The following TMEM62 variants were observed in gnomAD, a reference collection of about 807,000 sequenced individuals.
TMEM62 encodes the protein transmembrane protein 62.
A neutral mutation model predicts 70.4 loss-of-function variants in TMEM62; 41 were observed. The observed-to-expected ratio is 0.58, with a 90% CI of 0.45 to 0.76. The LOEUF (loss-of-function observed/expected upper bound fraction) is 0.76. TMEM62 is among the 30% of genes least tolerant of loss of function. The pLI is 0.00. For synonymous variants in TMEM62, 268 were observed against 291.0 expected (o/e 0.92, Z 0.80); for missense variants, 688 against 788.5 (o/e 0.87, Z 1.53).
chr15:43,184,324 G>A lies in TMEM62; in HGVS notation c.1670G>A (p.Gly557Asp). Residue 557 changes from glycine (G) to aspartate (D), a missense_variant, in exon 14 of 14, where the codon GGT (glycine) becomes GAT (aspartate). Gly to Asp is a moderately conservative substitution (Grantham distance 94). Transcript: ENST00000260403. ...MCWSLLQRCF[G>D]HNFRSHLHQR... ...TGGAGCTTGCTGCAGCGGTGCTTTG[G>A]TCACAACTTCAGGTCTCATCTCCAT... The A allele has an allele frequency of 6.2e-7, 1 of 1,614,144 alleles. No homozygotes were observed. Among genetic ancestry groups the A allele is most frequent in the Non-Finnish European group, 8.5e-7 (1 of 1,180,036 alleles).
At chr15:43,152,648 G>A (rs1271962769) in intron 8 of TMEM62, among the ~76,000 whole-genome samples, 5 of 152,098 alleles carry the variant, frequency 3.3e-5, no homozygotes, top group Admixed American at 3.3e-4. Flanking sequence ...GCCCTCCTAC[G>A]CCTCCCCAAG....
At chr15:43,140,454 T>C (rs980792342) in intron 4 of TMEM62, among the ~76,000 whole-genome samples, 22 of 152,192 alleles carry the variant, frequency 1.4e-4, no homozygotes, top group African/African-American at 4.6e-4. Context: ...GGCGGTCACA[T>C]TGGGGTCCCC....
chr15:43,145,103 C>CA (rs200747419), intron 4 of TMEM62, among the ~76,000 whole-genome samples: 92,068 of 109,490 alleles, frequency 0.84, 38,353 homozygotes, highest in Middle Eastern at 0.87. Context: ...GACTCCGTCT[C>CA]AAAAAAAAAA....
At chr15:43,179,172 A>G (rs1280235191) in intron 12 of TMEM62, among the ~76,000 whole-genome samples, 1 of 152,120 alleles carries the variant, frequency 6.6e-6, no homozygotes, top group Non-Finnish European at 1.5e-5. Context: ...CTGAGGCGAG[A>G]GTACTGCTTG....
chr15:43,152,175 A>C (rs752591402), intron 8 of TMEM62, among the ~76,000 whole-genome samples: 12 of 152,164 alleles, frequency 7.9e-5, no homozygotes, highest in Non-Finnish European at 1.6e-4. Flanking sequence ...CTATAATTCT[A>C]CCATTATTAT....
At chr15:43,174,738 T>G (rs2142032277) in intron 11 of TMEM62, among the ~76,000 whole-genome samples, 1 of 152,320 alleles carries the variant, frequency 6.6e-6, no homozygotes, top group Non-Finnish European at 1.5e-5. Flanking sequence ...TGACCCCAGG[T>G]CAGTTCTTTC....
chr15:43,171,583 T>C (rs932008333), intron 11 of TMEM62, among the ~76,000 whole-genome samples: 1 of 150,980 alleles, frequency 6.6e-6, no homozygotes, highest in Non-Finnish European at 1.5e-5. Context: ...AAATTCTTTC[T>C]CATATAAAAA....
chr15:43,156,504 G>T (rs906307984), intron 9 of TMEM62, among the ~76,000 whole-genome samples: 15 of 152,200 alleles, frequency 9.9e-5, no homozygotes, highest in African/African-American at 3.4e-4. Flanking sequence ...AGACTTGAAG[G>T]TTCATGTGCA....
At chr15:43,148,044 G>C (rs2036893579) in intron 5 of TMEM62, among the ~76,000 whole-genome samples, 1 of 152,114 alleles carries the variant, frequency 6.6e-6, no homozygotes, top group African/African-American at 2.4e-5. Flanking sequence ...GTATATATTG[G>C]TATAACTGTC....
At chr15:43,170,359 G>C (rs1318730162) in intron 11 of TMEM62, among the ~76,000 whole-genome samples, 3 of 151,986 alleles carry the variant, frequency 2.0e-5, no homozygotes, top group Non-Finnish European at 4.4e-5. Context: ...ATTAGTTCAA[G>C]GTCAAAAAAG....
intron 10 of TMEM62, among the ~76,000 whole-genome samples, chr15:43,167,871 C>G (rs992914263): frequency 6.6e-6 from 1 of 152,128 alleles, no homozygotes; most frequent in African/African-American, 2.4e-5. Flanking sequence ...TCTGCAATCC[C>G]GGCACCTCGG....
chr15:43,172,376 G>T (rs950603094), intron 11 of TMEM62, among the ~76,000 whole-genome samples: 1 of 152,120 alleles, frequency 6.6e-6, no homozygotes, highest in Non-Finnish European at 1.5e-5. Flanking sequence ...TTATGTCAAG[G>T]TATCTTTCTG....
intron 7 of TMEM62, among the ~76,000 whole-genome samples, chr15:43,150,612 CA>C (rs771449315): frequency 3.3e-4 from 51 of 152,324 alleles, no homozygotes; most frequent in Non-Finnish European, 6.9e-4. Context: ...TGGCTTAACA[CA>C]AATGTTTTTC....
chr15:43,153,921 G>T (rs1246848308), intron 8 of TMEM62, among the ~76,000 whole-genome samples: 2 of 152,146 alleles, frequency 1.3e-5, no homozygotes, highest in African/African-American at 4.8e-5. Context: ...CTGCCATACT[G>T]TTTTCCATGG....
chr15:43,173,564 G>A (rs2040422605), intron 11 of TMEM62, among the ~76,000 whole-genome samples: 1 of 152,116 alleles, frequency 6.6e-6, no homozygotes, highest in South Asian at 2.1e-4. Flanking sequence ...CCCTATACGT[G>A]CCATGCTCAT....
chr15:43,184,882 G>C lies in TMEM62; in HGVS notation c.*296G>C. On this transcript the variant is annotated 3_prime_UTR_variant, in exon 14 of 14. Coordinates refer to ENST00000260403, the MANE Select transcript of TMEM62 (RefSeq NM_024956.4). ...TAGGACATCCACAGGGTAGAGGTTGGGTGTGTGTACGGGAGTGTCTGAGGC... is the reference window on the plus strand; with the variant it reads ...TAGGACATCCACAGGGTAGAGGTTGCGTGTGTGTACGGGAGTGTCTGAGGC... 1 of 444,912 alleles carries C rather than the reference G, an allele frequency of 2.2e-6. No homozygotes were observed. The highest frequency in any genetic ancestry group is 4.1e-6 in the Non-Finnish European group (1 of 246,074). The allele number at this position is 444,912 out of a possible 1,614,324, so 27.6% of individuals were successfully genotyped here. A position where few individuals can be genotyped will look rare whatever the true frequency, so the allele number is the denominator to read the frequency against.
chr15:43,165,918 G>A (rs1282245739), intron 10 of TMEM62, among the ~76,000 whole-genome samples: 1 of 152,160 alleles, frequency 6.6e-6, no homozygotes, highest in Non-Finnish European at 1.5e-5. Context: ...GGTCTCTGGT[G>A]CCTTATTTAG....
chr15:43,170,622 A>G (rs1161348907), intron 11 of TMEM62, among the ~76,000 whole-genome samples: 3 of 152,226 alleles, frequency 2.0e-5, no homozygotes, highest in Admixed American at 1.3e-4. Flanking sequence ...TATCTTGATA[A>G]TATGTAAAAT....
rs889818073 is a variant in TMEM62 at position 43,138,987 on chromosome 15, C to T, written c.476+368C>T. ...TTCTGTTTCATATACAGGCATACCT[C>T]GTTTTATTATGCTTCGCCTTATTGC... On this transcript the variant is annotated intron_variant, in intron 4 of 13. Transcript: ENST00000260403. Among the ~76,000 whole-genome samples the T allele has an allele frequency of 5.3e-5, 8 of 152,160 alleles. No individual in the cohort carries two copies. The South Asian group carries it at 1.4e-3, about 28-fold the overall frequency.
Sources: gnomAD v4.1 joint callset for allele counts (sites outside exome capture counted in the v4.1 genomes callset) on GRCh38, gnomAD v4.1.1 for gene constraint, MANE v1.5 for transcripts, NCBI Gene and HGNC (gene_info 2026-07-23, HGNC 2026-07-21) for gene names.